Variants in PSG1 observed in about 807,000 individuals in gnomAD.
The protein encoded by PSG1 is pregnancy-specific beta-1-glycoprotein 1.
PSG1 carries 60 observed loss-of-function variants against 41.4 expected under a neutral mutation model. That is an observed-to-expected ratio of 1.45 (90% CI 1.18 to 1.80). The LOEUF (loss-of-function observed/expected upper bound fraction) is 1.80, where lower values mean the gene tolerates loss of function less well. Among genes scored for constraint, PSG1 ranks in the 40% most tolerant of loss-of-function variants. PSG1 has a pLI of 0.00. For missense variants in PSG1, 806 were observed against 516.9 expected, an observed-to-expected ratio of 1.56 and a Z score of -5.42; for synonymous variants, 256 against 192.9, an observed-to-expected ratio of 1.33 and a Z score of -2.71.
intron 2 of PSG1, among the ~76,000 whole-genome samples, chr19:42,877,498 C>G (rs1971659119): frequency 1.3e-5 from 2 of 151,696 alleles, no homozygotes; most frequent in South Asian, 2.1e-4. Context: ...TTATCTGGAA[C>G]AAGGATTTAG....
In PSG1 at chr19:42,869,670, A is replaced by T. The variant is rs1184237746; in HGVS notation, c.710-636T>A. ...TCATGATGACTTACTTGAACCAGTG[A>T]CCTCTAAAGATAGAGCAGAGTGCAA... On this transcript the variant is annotated intron_variant, in intron 3 of 5. Coordinates refer to ENST00000436291, the MANE Select transcript of PSG1 (RefSeq NM_001184825.2). The T allele has an allele frequency of 1.9e-5, 3 of 156,432 alleles. No homozygotes were observed. In the East Asian group the frequency reaches 5.7e-4, roughly 30 times the overall value. The allele number at this position is 156,432 out of a possible 1,614,324, so 9.7% of individuals were successfully genotyped here.
At chr19:42,877,289 A>C (rs968888166) in intron 2 of PSG1, among the ~76,000 whole-genome samples, 2 of 151,584 alleles carry the variant, frequency 1.3e-5, no homozygotes, top group African/African-American at 4.8e-5. Flanking sequence ...GATGGCCTAC[A>C]AAGCTTGTCT....
intron 5 of PSG1, chr19:42,867,559 C>G (rs1300111237): frequency 1.6e-6 from 1 of 635,264 alleles, no homozygotes; most frequent in African/African-American, 1.9e-5. Flanking sequence ...GTAATATAAC[C>G]AATGATTTCA....
At position 42,868,704 on chromosome 19, in the gene PSG1, G is replaced by C. The variant is rs149777345; in HGVS notation, c.988+52C>G. On this transcript the variant is annotated intron_variant, in intron 4 of 5. Coordinates refer to ENST00000436291, the MANE Select transcript of PSG1 (RefSeq NM_001184825.2). The stretch of plus-strand genomic sequence containing the variant: ...GAGACTGAGAGGCCTGGCATCTGGT[G>C]GTTTGGATTTAAGCTGGTGTCCTGG... 7,121 of 1,599,990 alleles carry C rather than the reference G, an allele frequency of 4.5e-3. 407 individuals carry two copies. In the African/African-American group the frequency reaches 0.083, roughly 19 times the overall value.
chr19:42,868,985 C>T lies in PSG1; in HGVS notation c.759G>A (p.Glu253=). 1 of 1,610,678 alleles carries T rather than the reference C, an allele frequency of 6.2e-7. No individual in the cohort carries two copies. Among genetic ancestry groups the T allele is most frequent in the African/African-American group, 1.3e-5 (1 of 74,776 alleles). Residue 253 remains glutamate (E), a synonymous_variant, in exon 4 of 6, where the codon GAG becomes GAA. Coordinates refer to ENST00000436291, the MANE Select transcript of PSG1 (RefSeq NM_001184825.2). ...AGGTGAAGTTTAAGACATCCTTATTCTCCCTGGGGTTTAAGTTGTTGATGG... is the reference window on the plus strand; with the variant it reads ...AGGTGAAGTTTAAGACATCCTTATTTTCCCTGGGGTTTAAGTTGTTGATGG... ...YITINNLNPR[E]NKDVLNFTCE... is the part of the protein sequence containing the mutation.
chr19:42,871,614 C>T (rs1971387232), intron 3 of PSG1, among the ~76,000 whole-genome samples, 153 bp downstream of exon 3: 1 of 151,662 alleles, frequency 6.6e-6, no homozygotes, highest in East Asian at 1.9e-4. Flanking sequence ...CCTAGGTCTA[C>T]TCTGGTTTGC....
rs775779433 is a variant in PSG1 at position 42,872,019 on chromosome 19, T to C, written c.457A>G (p.Ser153Gly). 6 of 1,612,242 alleles carry C rather than the reference T, an allele frequency of 3.7e-6. No individual in the cohort carries two copies. The South Asian group carries it at 5.5e-5, about 15-fold the overall frequency. ...HLETPKPSIS[S>G]SNLNPRETME... ...GTCTCCCTGGGATTTAAGTTGCTGC[T>C]GGAGATGGAGGGCTTAGGAGTCTCC... Residue 153 changes from serine (S) to glycine (G), a missense_variant, in exon 3 of 6, where the codon AGC becomes GGC. By Grantham distance (56) the Ser-to-Gly change is moderately conservative. Transcript: ENST00000436291.
In PSG1 at chr19:42,871,763, T is replaced by C. The variant is rs781244976; in HGVS notation, c.709+4A>G. The C allele has an allele frequency of 2.8e-5, 45 of 1,612,470 alleles. No homozygotes were observed. Among genetic ancestry groups the C allele is most frequent in the Non-Finnish European group, 3.6e-5 (42 of 1,179,260 alleles). On this transcript the variant is annotated splice_donor_region_variant and intron_variant, in intron 3 of 5. Transcript: ENST00000436291. ...TGGCTCACAGAGGAACAGAAGATAC[T>C]CACGGAGGAGATTCAGGGTGACTGG...
intron 4 of PSG1, 49 bp downstream of exon 4, chr19:42,868,707 T>A: frequency 6.2e-7 from 1 of 1,605,062 alleles, no homozygotes; most frequent in Non-Finnish European, 8.5e-7. Flanking sequence ...ATCTGGTGGT[T>A]TGGATTTAAG....
rs186269391 is a variant in PSG1, at chr19:42,867,210, A to T, written c.1244-60T>A. 1.0e-5 allele frequency: 8 copies of T among 763,754 alleles called. No homozygotes were observed. In the Admixed American group the frequency reaches 1.2e-4, roughly 11 times the overall value. 47.3% of individuals were successfully genotyped at this position (763,754 alleles called of 1,614,324 possible). ...ACAGAGCTGCAGTCTCATAACAGGT[A>T]TACTACAGTTTTTATTTTCCACATA... On this transcript the variant is annotated intron_variant, in intron 5 of 5. Coordinates refer to ENST00000436291, the MANE Select transcript of PSG1 (RefSeq NM_001184825.2).
intron 1 of PSG1, among the ~76,000 whole-genome samples, chr19:42,879,157 CTTTTT>C (rs58030325): frequency 1.4e-5 from 2 of 139,612 alleles, no homozygotes; most frequent in Non-Finnish European, 3.1e-5. Context: ...TTTCTTTTTT[CTTTTT>C]TTTTTTTTGA....
rs1971403273 is a variant in PSG1, at chr19:42,871,885, T to A, written c.591A>T (p.Glu197Asp). 1 of 1,612,474 alleles carries A rather than the reference T, an allele frequency of 6.2e-7. No homozygotes were observed. Among genetic ancestry groups the A allele is most frequent in the Non-Finnish European group, 8.5e-7 (1 of 1,179,224 alleles). Residue 197 changes from glutamate to aspartate, a missense_variant, in exon 3 of 6, where the codon GAA (glutamate) becomes GAT (aspartate). Transcript: ENST00000436291. ...LPMTHSLKLS[E>D]TNRTLFLLGV... is the part of the protein sequence containing the mutation. ...CCAATAGAAAGAGGGTCCTGTTGGT[T>A]TCGGACAGCTTCAAGCTGTGAGTCA...
chr19:42,867,839 T>C (rs1237830585), intron 5 of PSG1: 5 of 1,299,872 alleles, frequency 3.8e-6, no homozygotes, highest in Non-Finnish European at 5.3e-6. Flanking sequence ...ATAAAAACAT[T>C]ATCTTCATTA....
At chr19:42,867,192 T>C (rs1209928138) in intron 5 of PSG1, 42 bp from the exon 6 acceptor site, 1 of 765,238 alleles carries the variant, frequency 1.3e-6, no homozygotes, top group Admixed American at 1.7e-5. Flanking sequence ...TGAACAGAGC[T>C]GCAGTCTCAT....
rs1056682518 is a variant in PSG1 at position 42,879,708 on chromosome 19, A to C, written c.-127T>G. 2.8e-5 allele frequency: 39 copies of C among 1,405,176 alleles called. No individual in the cohort carries two copies. Among genetic ancestry groups the C allele is most frequent in the Non-Finnish European group, 3.2e-5 (33 of 1,032,766 alleles). 87.0% of individuals were successfully genotyped at this position (1,405,176 alleles called of 1,614,324 possible). A position where few individuals can be genotyped will look rare whatever the true frequency, so the allele number is the denominator to read the frequency against. ...TGAGCCTCTTCCCAGGGCAGGAGCA[A>C]TTCTCAAGCTCATGGGCAGGGTCAG... is the stretch of plus-strand genomic sequence containing the variant. On this transcript the variant is annotated 5_prime_UTR_variant, in exon 1 of 6. Transcript: ENST00000436291.
rs537836921 is a variant in PSG1 at position 42,877,568 on chromosome 19, G to A, written c.430+345C>T. 5.2e-4 allele frequency among the ~76,000 whole-genome samples: 79 copies of A among 151,780 alleles called. 1 individual carries two copies. The highest frequency in any genetic ancestry group is 1.5e-3 in the African/African-American group (62 of 41,414). On this transcript the variant is annotated intron_variant, in intron 2 of 5. Transcript: ENST00000436291. ...AGCTTCTCTGAGAGTATCTCAGGGGGCCCCTCAGGCCAAGCCCTACTCAGT... is the reference window on the plus strand; with the variant it reads ...AGCTTCTCTGAGAGTATCTCAGGGGACCCCTCAGGCCAAGCCCTACTCAGT...
intron 2 of PSG1, among the ~76,000 whole-genome samples, chr19:42,877,563 AG>A (rs943263730): frequency 1.7e-4 from 26 of 151,776 alleles, no homozygotes; most frequent in Non-Finnish European, 3.2e-4. Flanking sequence ...AGAGTATCTC[AG>A]GGGGCCCCTC....
At chr19:42,879,303 C>T (rs930797878) in intron 1 of PSG1, among the ~76,000 whole-genome samples, 1 of 151,282 alleles carries the variant, frequency 6.6e-6, no homozygotes, top group Non-Finnish European at 1.5e-5. Context: ...TAGGAGCACA[C>T]CACCATACCT....
chr19:42,879,374 G>C (rs1189728987), intron 1 of PSG1, 144 bp downstream of exon 1: 3 of 1,331,944 alleles, frequency 2.3e-6, no homozygotes, highest in Admixed American at 3.8e-5. Flanking sequence ...GACTGATCTT[G>C]AACTTCTGAT....
Sources: gnomAD v4.1 joint callset for allele counts (sites outside exome capture counted in the v4.1 genomes callset) on GRCh38, gnomAD v4.1.1 for gene constraint, MANE v1.5 for transcripts, NCBI Gene and HGNC (gene_info 2026-07-23, HGNC 2026-07-21) for gene names.